The following NLGN4X variants were observed in gnomAD, a reference collection of about 807,000 sequenced individuals.
NLGN4X encodes the protein neuroligin-4, X-linked.
NLGN4X carries 3 observed loss-of-function variants against 40.3 expected under a neutral mutation model. The ratio of observed to expected loss-of-function variants is 0.07; its 90% CI spans 0.03 to 0.19. The LOEUF (loss-of-function observed/expected upper bound fraction) is 0.19. Ranked by LOEUF, NLGN4X falls within the 10% of genes least tolerant of loss-of-function variation. The pLI is 1.00. For missense variants in NLGN4X, 382 were observed against 708.3 expected (o/e 0.54, Z 5.23); for synonymous variants, 270 against 306.8 (o/e 0.88, Z 1.25).
intron 2 of NLGN4X, among the ~76,000 whole-genome samples, chrX:6,109,953 A>C (rs897045193): frequency 1.8e-5 from 2 of 110,731 alleles, no homozygotes; most frequent in African/African-American, 3.3e-5. Flanking sequence ...AAATGTCAGC[A>C]TCACCTGACT....
At chrX:6,109,550 T>C (rs1040497218) in intron 2 of NLGN4X, among the ~76,000 whole-genome samples, 2 of 112,008 alleles carry the variant, frequency 1.8e-5, no homozygotes, top group Non-Finnish European at 3.8e-5. Flanking sequence ...AAAGAATTAA[T>C]GAATTGATTC....
intron 2 of NLGN4X, among the ~76,000 whole-genome samples, chrX:6,126,080 G>A (rs1355188533): frequency 9.0e-6 from 1 of 110,819 alleles, no homozygotes; most frequent in African/African-American, 3.3e-5. Flanking sequence ...AATTATAAGA[G>A]AAGAATCATA....
intron 3 of NLGN4X, among the ~76,000 whole-genome samples, chrX:5,971,089 T>G (rs146502943): frequency 0.14 from 15,469 of 111,642 alleles, 875 homozygotes; most frequent in Non-Finnish European, 0.18. Context: ...AAATAATAAA[T>G]AGATATAACT....
chrX:6,200,335 G>T (rs1166494589), intron 1 of NLGN4X, among the ~76,000 whole-genome samples: 1 of 111,907 alleles, frequency 8.9e-6, no homozygotes, highest in African/African-American at 3.2e-5. Context: ...ATGGGAACAG[G>T]ACAGGGTGCT....
chrX:6,123,327 T>C (rs917662454), intron 2 of NLGN4X, among the ~76,000 whole-genome samples: 5 of 111,620 alleles, frequency 4.5e-5, no homozygotes, highest in Non-Finnish European at 9.4e-5. Context: ...CCCCAGCAAG[T>C]ACAAGGGAAA....
chrX:5,995,119 T>C (rs1216665131), intron 3 of NLGN4X, among the ~76,000 whole-genome samples: 1 of 112,779 alleles, frequency 8.9e-6, no homozygotes, highest in Non-Finnish European at 1.9e-5. Flanking sequence ...TCAATGTAGC[T>C]ATAGTTTTGC....
intron 2 of NLGN4X, among the ~76,000 whole-genome samples, chrX:6,036,935 T>C (rs909452695): frequency 4.5e-5 from 5 of 111,842 alleles, no homozygotes; most frequent in Admixed American, 1.9e-4. Context: ...CCCCATTTAG[T>C]GCTTTATCTA....
chrX:6,138,159 T>C (rs1392770680), intron 2 of NLGN4X, among the ~76,000 whole-genome samples: 1 of 112,259 alleles, frequency 8.9e-6, no homozygotes, highest in African/African-American at 3.2e-5. Context: ...TTATAAAATA[T>C]ATTACTTTTA....
chrX:6,050,980 G>A (rs775224485), intron 2 of NLGN4X, among the ~76,000 whole-genome samples: 12 of 111,848 alleles, frequency 1.1e-4, no homozygotes, highest in African/African-American at 3.6e-4. Flanking sequence ...AGGTGAAGGA[G>A]AGTCCCCACA....
chrX:5,971,188 C>A (rs1248418589), intron 3 of NLGN4X, among the ~76,000 whole-genome samples: 1 of 111,527 alleles, frequency 9.0e-6, no homozygotes, highest in Admixed American at 9.6e-5. Context: ...AGGAATGTCA[C>A]CCATGTTCAG....
At chrX:5,995,657 C>T (rs893515572) in intron 3 of NLGN4X, among the ~76,000 whole-genome samples, 4 of 112,382 alleles carry the variant, frequency 3.6e-5, no homozygotes, top group African/African-American at 1.3e-4. Context: ...CCATGACAGA[C>T]TTCTAAGGAG....
chrX:5,940,774 T>G (rs1362621741), intron 3 of NLGN4X, among the ~76,000 whole-genome samples: 2 of 110,238 alleles, frequency 1.8e-5, no homozygotes, highest in Non-Finnish European at 3.8e-5. Flanking sequence ...GCTTGAAAAG[T>G]CTGCCTGACA....
chrX:5,905,234 A>G (rs2032110889), intron 4 of NLGN4X, among the ~76,000 whole-genome samples: 1 of 111,982 alleles, frequency 8.9e-6, no homozygotes, highest in Non-Finnish European at 1.9e-5. Flanking sequence ...AGTAACATAC[A>G]TAAAACATTT....
At chrX:6,203,244 C>T (rs1309410951) in intron 1 of NLGN4X, among the ~76,000 whole-genome samples, 1 of 112,460 alleles carries the variant, frequency 8.9e-6, no homozygotes, top group Non-Finnish European at 1.9e-5. Context: ...CAACACAACA[C>T]AGCCCATTCC....
At chrX:6,137,206 G>A (rs976765731) in intron 2 of NLGN4X, among the ~76,000 whole-genome samples, 1 of 111,532 alleles carries the variant, frequency 9.0e-6, no homozygotes, top group African/African-American at 3.3e-5. Flanking sequence ...AGTGCTCCCT[G>A]GCTTAGGGAT....
At chrX:6,131,691 T>C (rs1187858153) in intron 2 of NLGN4X, among the ~76,000 whole-genome samples, 4 of 112,380 alleles carry the variant, frequency 3.6e-5, no homozygotes, top group Non-Finnish European at 7.5e-5. Context: ...CCAACTTCTG[T>C]AGCTTTGGAG....
At chrX:5,912,696 G>A (rs904694697) in intron 3 of NLGN4X, among the ~76,000 whole-genome samples, 9 of 107,527 alleles carry the variant, frequency 8.4e-5, no homozygotes, top group Admixed American at 4.1e-4. Context: ...CAAGTCGCCT[G>A]ATCTGTGAAA....
chrX:6,082,794 T>C (rs948806764), intron 2 of NLGN4X, among the ~76,000 whole-genome samples: 4 of 108,458 alleles, frequency 3.7e-5, no homozygotes, highest in African/African-American at 1.3e-4. Context: ...CTGTGAGCTG[T>C]TTGTTCCAAG....
At chrX:6,061,384 T>C (rs2037766188) in intron 2 of NLGN4X, among the ~76,000 whole-genome samples, 2 of 106,379 alleles carry the variant, frequency 1.9e-5, no homozygotes, top group South Asian at 8.7e-4. Context: ...AGAAATGTGG[T>C]TAGATTTTCC....
Sources: allele counts gnomAD v4.1 joint callset (sites outside exome capture counted in the v4.1 genomes callset), GRCh38; gene constraint gnomAD v4.1.1; transcripts MANE v1.5; gene names NCBI Gene and HGNC (gene_info 2026-07-23, HGNC 2026-07-21).